Variants in PLEKHG4B observed in about 807,000 individuals in gnomAD.
The protein encoded by PLEKHG4B is pleckstrin homology and RhoGEF domain containing G4B, also known as pleckstrin homology domain-containing family G member 4B.
In PLEKHG4B, 111 loss-of-function variants were observed where a neutral mutation model predicts 121.3. The ratio of observed to expected loss-of-function variants is 0.92; its 90% CI spans 0.78 to 1.07. PLEKHG4B has a LOEUF of 1.07. Ranked by LOEUF, PLEKHG4B falls within the 50% of genes least tolerant of loss-of-function variation. The pLI is 0.00. For missense variants in PLEKHG4B, 1,831 were observed against 1,757.8 expected (o/e 1.04, Z -0.74); for synonymous variants, 738 against 725.0 (o/e 1.02, Z -0.29).
rs1313120172 is a variant in PLEKHG4B at position 140,552 on chromosome 5, G to A, written c.1313G>A (p.Arg438Gln). Residue 438 changes from arginine to glutamine, a missense_variant, in exon 3 of 20, where the codon CGG (arginine) becomes CAG (glutamine). By Grantham distance (43) the Arg-to-Gln change is conservative (BLOSUM62 1). Transcript: ENST00000637938. ...AAGRTLPRRS[R>Q]SWERAPRSSR... ...GGGCGGACTCTTCCCAGGAGATCTC[G>A]GTCCTGGGAAAGGGCACCCAGAAGC... is the stretch of plus-strand genomic sequence containing the variant. 5.0e-6 allele frequency: 8 copies of A among 1,605,280 alleles called. No individual in the cohort carries two copies. Among genetic ancestry groups the A allele is most frequent in the East Asian group, 4.5e-5 (2 of 44,586 alleles).
rs1273117311 is a variant in PLEKHG4B, at chr5:176,113, G to C, written c.4402+2015G>C. On this transcript the variant is annotated intron_variant, in intron 18 of 19. Transcript: ENST00000637938. ...CAGACACAGGGGGCCCCATGGCGTC[G>C]CCACAGGCTCCCCCTCTGGCCCCCA... Among the ~76,000 whole-genome samples, 2 of 118,224 alleles carry C rather than the reference G, an allele frequency of 1.7e-5. 1 individual carries two copies. 77.6% of individuals were successfully genotyped at this position (118,224 alleles called of 152,430 possible). A position where few individuals can be genotyped will look rare whatever the true frequency, so the allele number is the denominator to read the frequency against.
At chr5:115,837 A>C (rs1257015341) in intron 2 of PLEKHG4B, among the ~76,000 whole-genome samples, 5 of 152,344 alleles carry the variant, frequency 3.3e-5, no homozygotes, top group Middle Eastern at 3.4e-3. Context: ...CTTTGGCTTA[A>C]GGGAATGTTG....
At chr5:161,369 C>G (rs925463331) in intron 11 of PLEKHG4B, among the ~76,000 whole-genome samples, 2 of 152,206 alleles carry the variant, frequency 1.3e-5, no homozygotes, top group Non-Finnish European at 2.9e-5. Flanking sequence ...TGTCCTTTTC[C>G]AAACAATGAA....
rs1389143325 is a variant in PLEKHG4B, at chr5:183,670, G to A, written c.*1347G>A. 1.3e-5 allele frequency: 2 copies of A among 152,232 alleles called. No individual in the cohort carries two copies. The highest frequency in any genetic ancestry group is 2.9e-5 in the Non-Finnish European group (2 of 68,086). 9.4% of individuals were successfully genotyped at this position (152,232 alleles called of 1,614,324 possible). A position where few individuals can be genotyped will look rare whatever the true frequency, so the allele number is the denominator to read the frequency against. On this transcript the variant is annotated 3_prime_UTR_variant, in exon 20 of 20. Transcript: ENST00000637938. The stretch of plus-strand genomic sequence containing the variant: ...GAGAATGGCATGAACCCGGGAGGCG[G>A]AGTTTGCAGTGAGCTGAGATCACGC...
In PLEKHG4B at chr5:188,401, G is replaced by T. The variant is rs968220523; in HGVS notation, c.*6078G>T. Reference sequence around the variant, plus strand: ...AGGAGAAGAAAACGGCCAGGGTCCAGGCTGCTCCCACCATCCCTGGGGGAT... The same window carrying T: ...AGGAGAAGAAAACGGCCAGGGTCCATGCTGCTCCCACCATCCCTGGGGGAT... On this transcript the variant is annotated 3_prime_UTR_variant, in exon 20 of 20. Coordinates refer to ENST00000637938, the MANE Select transcript of PLEKHG4B (RefSeq NM_052909.5). 2 of 152,268 alleles carry T rather than the reference G, an allele frequency of 1.3e-5. No individual in the cohort carries two copies. The highest frequency in any genetic ancestry group is 2.9e-5 in the Non-Finnish European group (2 of 68,064). The allele number at this position is 152,268 out of a possible 1,614,324, so 9.4% of individuals were successfully genotyped here.
Position 171,357 on chromosome 5 carries a change from C to A in PLEKHG4B, c.3963C>A (p.Gly1321=), listed in dbSNP as rs373079738. 6.2e-7 allele frequency: 1 copy of A among 1,611,916 alleles called. No individual in the cohort carries two copies. Among genetic ancestry groups the A allele is most frequent in the South Asian group, 1.1e-5 (1 of 91,046 alleles). The change falls in exon 16 of 20, where the codon GGC becomes GGA. Residue 1321 remains glycine, a synonymous_variant. Transcript: ENST00000637938. Reference sequence around the variant, plus strand: ...GCCTGGCCCAGGGGCAGGAGCTGGGCGAGCTCCGAGCCGCCGAGGTCGTGG... The same window carrying A: ...GCCTGGCCCAGGGGCAGGAGCTGGGAGAGCTCCGAGCCGCCGAGGTCGTGG... ...SCGLAQGQEL[G]ELRAAEVVVC...
chr5:113,388 C>G lies in PLEKHG4B; in HGVS notation c.183C>G (p.Cys61Trp). ...ERCHGGDGLH[C>W]LTSFLLPAKR... ...GCCACGGTGGGGACGGGCTGCACTG[C>G]CTCACCAGCTTCCTCCTCCCAGCCA... The change falls in exon 2 of 20, where the codon TGC becomes TGG. Residue 61 changes from cysteine (C) to tryptophan (W), a missense_variant. By Grantham distance (215) the Cys-to-Trp change is radical. Transcript: ENST00000637938. This position sits in a 1 kb window ranked among gnomAD's most constrained non-coding sequence, Gnocchi z 5.2. The G allele has an allele frequency of 2.5e-6, 1 of 399,114 alleles. No homozygotes were observed. Among genetic ancestry groups the G allele is most frequent in the Non-Finnish European group, 4.4e-6 (1 of 226,138 alleles). The allele number at this position is 399,114 out of a possible 1,614,324, so 24.7% of individuals were successfully genotyped here. A position where few individuals can be genotyped will look rare whatever the true frequency, so the allele number is the denominator to read the frequency against.
chr5:162,581 C>G (rs1274937713), intron 12 of PLEKHG4B, 141 bp from the exon 13 acceptor site: 1 of 577,106 alleles, frequency 1.7e-6, no homozygotes, highest in East Asian at 3.3e-5. Flanking sequence ...ACAGCCCCCA[C>G]TGGGTGGCGG....
chr5:177,912 C>G (rs1030842276), intron 18 of PLEKHG4B, among the ~76,000 whole-genome samples: 1 of 151,984 alleles, frequency 6.6e-6, no homozygotes, highest in Non-Finnish European at 1.5e-5. Flanking sequence ...CGTGAGGATG[C>G]CCTGTGTGCT....
rs1276590432 is a variant in PLEKHG4B, at chr5:143,249, C to T, written c.1680C>T (p.Thr560=). The change falls in exon 4 of 20, where the codon ACC becomes ACT. Residue 560 remains threonine (T), a synonymous_variant. Coordinates refer to ENST00000637938, the MANE Select transcript of PLEKHG4B (RefSeq NM_052909.5). ...AGCTGCTGCAGTCCGGGGTCGTCAC[C>T]CTCCCAGGTGAGAGCACATGCCAGG... ...SQELLQSGVV[T]LPGTRDRHGR... 1 of 1,610,138 alleles carries T rather than the reference C, an allele frequency of 6.2e-7. No individual in the cohort carries two copies. Among genetic ancestry groups the T allele is most frequent in the South Asian group, 1.1e-5 (1 of 91,076 alleles).
intron 11 of PLEKHG4B, among the ~76,000 whole-genome samples, chr5:160,645 G>A (rs1735967372): frequency 6.6e-6 from 1 of 152,070 alleles, no homozygotes; most frequent in Non-Finnish European, 1.5e-5. Flanking sequence ...TTCCTAGTTT[G>A]TCATTTGCCC....
intron 1 of PLEKHG4B, among the ~76,000 whole-genome samples, chr5:99,508 A>G (rs1733739637): frequency 6.6e-6 from 1 of 152,016 alleles, no homozygotes; most frequent in Non-Finnish European, 1.5e-5. Flanking sequence ...GCTATTGTGA[A>G]TGGAATCATT....
intron 1 of PLEKHG4B, among the ~76,000 whole-genome samples, chr5:104,042 C>T (rs991577764): frequency 4.6e-5 from 7 of 151,654 alleles, no homozygotes; most frequent in Non-Finnish European, 1.0e-4. Context: ...CAGCCCAGTC[C>T]CAGCACCGAT....
Position 183,995 on chromosome 5 carries a change from A to AGAT in PLEKHG4B, c.*1673_*1675dup, listed in dbSNP as rs1441102894. The stretch of plus-strand genomic sequence containing the variant: ...CAGATAGATAGATAGATAGATCGAT[A>AGAT]GATAGATAGATAGATAGATAGATAG... On this transcript the variant is annotated 3_prime_UTR_variant, in exon 20 of 20. Transcript: ENST00000637938. 1 of 102,762 alleles carries AGAT rather than the reference A, an allele frequency of 9.7e-6. No individual in the cohort carries two copies. Among genetic ancestry groups the AGAT allele is most frequent in the Admixed American group, 1.0e-4 (1 of 9,800 alleles). 6.4% of individuals were successfully genotyped at this position (102,762 alleles called of 1,614,324 possible). A position where few individuals can be genotyped will look rare whatever the true frequency, so the allele number is the denominator to read the frequency against.
At chr5:166,767 T>C (rs949449212) in intron 13 of PLEKHG4B, among the ~76,000 whole-genome samples, 3 of 152,216 alleles carry the variant, frequency 2.0e-5, no homozygotes, top group African/African-American at 7.2e-5. Context: ...ATAGGTTTAA[T>C]CTGAACGGAG....
Position 139,982 on chromosome 5 carries a change from C to G in PLEKHG4B, c.743C>G (p.Thr248Ser). The change falls in exon 3 of 20, where the codon ACC becomes AGC. Residue 248 changes from threonine to serine, a missense_variant. Transcript: ENST00000637938. The surrounding 1 kb of genome is among the most constrained non-coding windows in gnomAD (Gnocchi z 5.0). ...HFQGSASCPD[T>S]LTSPCRRGHT... ...CAGGGAAGCGCCTCTTGCCCCGACA[C>G]CCTGACCTCACCCTGCCGCCGAGGG... The G allele has an allele frequency of 4.9e-6, 2 of 411,966 alleles. No individual in the cohort carries two copies. Among genetic ancestry groups the G allele is most frequent in the East Asian group, 3.6e-5 (1 of 28,158 alleles). The allele number at this position is 411,966 out of a possible 1,614,324, so 25.5% of individuals were successfully genotyped here.
At position 171,270 on chromosome 5, in the gene PLEKHG4B, C is replaced by T. The variant is rs146763332; in HGVS notation, c.3876C>T (p.Pro1292=). ...ACCTGGCCTCCTACCTGCTGCGGCC[C>T]GTGCAGCGTGTGGCCAAGTACGCGC... ...KMDLASYLLR[P]VQRVAKYALL... is the part of the protein sequence containing the mutation. Residue 1292 remains proline, a synonymous_variant, in exon 16 of 20, where the codon CCC becomes CCT. Transcript: ENST00000637938. 1.2e-5 allele frequency: 20 copies of T among 1,610,938 alleles called. No individual in the cohort carries two copies. The African/African-American group carries it at 1.3e-4, about 11-fold the overall frequency.
At chr5:92,608 G>A (rs1412175201) in intron 1 of PLEKHG4B, among the ~76,000 whole-genome samples, 1 of 151,522 alleles carries the variant, frequency 6.6e-6, no homozygotes, top group African/African-American at 2.4e-5. Context: ...CCTGCCGGCG[G>A]CTGCTGCGGG....
intron 2 of PLEKHG4B, among the ~76,000 whole-genome samples, chr5:117,400 T>C (rs1734335996): frequency 6.6e-6 from 1 of 152,222 alleles, no homozygotes; most frequent in Admixed American, 6.5e-5. Context: ...TAAATGGTCA[T>C]GTGAAGCTAA....
Sources: allele counts gnomAD v4.1 joint callset (sites outside exome capture counted in the v4.1 genomes callset), GRCh38; gene constraint gnomAD v4.1.1; non-coding constraint Gnocchi (gnomAD v3.1); transcripts MANE v1.5; gene names NCBI Gene and HGNC (gene_info 2026-07-23, HGNC 2026-07-21).